TNIK: variants seen among roughly 807,000 people sequenced by gnomAD.
The protein encoded by TNIK is TRAF2 and NCK interacting kinase.
TNIK carries 49 observed loss-of-function variants against 191.3 expected under a neutral mutation model. The observed-to-expected ratio is 0.26, with a 90% confidence interval of 0.20 to 0.32. The LOEUF (loss-of-function observed/expected upper bound fraction) is 0.32, where lower values mean the gene tolerates loss of function less well. Ranked by LOEUF, TNIK falls within the 10% of genes least tolerant of loss-of-function variation. The pLI, the probability that TNIK is intolerant of heterozygous loss-of-function variation, is 1.00. For synonymous variants in TNIK, 594 were observed against 600.9 expected (o/e 0.99, Z 0.17); for missense variants, 1,155 against 1,702.3 (o/e 0.68, Z 5.66).
Position 171,188,702 on chromosome 3 carries a change from C to T in TNIK, c.639G>A (p.Lys213=). The stretch of plus-strand genomic sequence containing the variant: ...TTGAAACACGACAAAGAAGCCATAC[C>T]TTGAAATCATATGTGGCATCTGGGT... ...DENPDATYDF[K]SDLWSLGITA... Residue 213 remains lysine (K), a splice_region_variant and synonymous_variant, in exon 7 of 33, where the codon AAG becomes AAA. Coordinates refer to ENST00000436636, the MANE Select transcript of TNIK (RefSeq NM_015028.4). The T allele has an allele frequency of 6.2e-7, 1 of 1,613,152 alleles. No homozygotes were observed. The highest frequency in any genetic ancestry group is 8.5e-7 in the Non-Finnish European group (1 of 1,179,318).
intron 2 of TNIK, among the ~76,000 whole-genome samples, chr3:171,238,824 G>A (rs1159569344): frequency 3.3e-5 from 5 of 152,166 alleles, no homozygotes; most frequent in South Asian, 2.1e-4. Flanking sequence ...AGCAGACGAC[G>A]AATTGTTCTT....
chr3:171,383,869 C>T (rs1718387997), intron 1 of TNIK, among the ~76,000 whole-genome samples: 1 of 152,146 alleles, frequency 6.6e-6, no homozygotes, highest in South Asian at 2.1e-4. Flanking sequence ...ATTTCCTGAG[C>T]ACCTACAATG....
At chr3:171,147,396 G>A (rs1204720679) in intron 12 of TNIK, among the ~76,000 whole-genome samples, 5 of 152,182 alleles carry the variant, frequency 3.3e-5, no homozygotes, top group African/African-American at 1.2e-4. Context: ...CTATACTTGT[G>A]ATGAGAGGTA....
At chr3:171,411,496 A>G (rs1271245450) in intron 1 of TNIK, among the ~76,000 whole-genome samples, 1 of 145,118 alleles carries the variant, frequency 6.9e-6, no homozygotes, top group South Asian at 2.1e-4. Flanking sequence ...TCATCTGGGT[A>G]AAAAAAAAAG....
At chr3:171,095,716 A>G (rs1484043874) in intron 22 of TNIK, among the ~76,000 whole-genome samples, 2 of 152,222 alleles carry the variant, frequency 1.3e-5, no homozygotes, top group African/African-American at 2.4e-5. Context: ...AGGTGAAAAA[A>G]TGACAGGGGG....
chr3:171,400,214 A>G (rs1720743745), intron 1 of TNIK, among the ~76,000 whole-genome samples: 1 of 152,182 alleles, frequency 6.6e-6, no homozygotes, highest in South Asian at 2.1e-4. Flanking sequence ...TTGATTTGCA[A>G]GAGTTTCAAG....
chr3:171,259,185 GGA>G (rs1375778416), intron 2 of TNIK, among the ~76,000 whole-genome samples: 1 of 152,108 alleles, frequency 6.6e-6, no homozygotes, highest in Non-Finnish European at 1.5e-5. Flanking sequence ...AAATGTTGGG[GGA>G]ATAAATCTCA....
chr3:171,142,522 G>A (rs917215070), intron 12 of TNIK, among the ~76,000 whole-genome samples: 13 of 152,304 alleles, frequency 8.5e-5, no homozygotes, highest in Admixed American at 7.8e-4. Flanking sequence ...ATTTGGTGAC[G>A]ACAGGTTGTA....
chr3:171,091,693 C>T (rs1722075938), intron 23 of TNIK, among the ~76,000 whole-genome samples: 1 of 151,932 alleles, frequency 6.6e-6, no homozygotes, highest in African/African-American at 2.4e-5. Context: ...CGAGATTGCA[C>T]CACTGCACTC....
chr3:171,367,544 A>T (rs776660275), intron 2 of TNIK, among the ~76,000 whole-genome samples: 13 of 151,908 alleles, frequency 8.6e-5, no homozygotes, highest in Non-Finnish European at 1.2e-4. Context: ...ATATCGGCTC[A>T]CCACAACCTC....
chr3:171,161,588 A>G (rs1011970262), intron 10 of TNIK, among the ~76,000 whole-genome samples: 5 of 152,174 alleles, frequency 3.3e-5, no homozygotes, highest in Non-Finnish European at 7.3e-5. Flanking sequence ...TTAAAAAATA[A>G]TTTTTTAATT....
chr3:171,252,040 T>C (rs60019437), intron 2 of TNIK, among the ~76,000 whole-genome samples: 18,699 of 151,992 alleles, frequency 0.12, 1,262 homozygotes, highest in African/African-American at 0.15. Flanking sequence ...AAATGTTCAT[T>C]TGCATAGATA....
intron 1 of TNIK, among the ~76,000 whole-genome samples, chr3:171,418,708 C>G (rs751566635): frequency 6.6e-6 from 1 of 152,004 alleles, no homozygotes; most frequent in Non-Finnish European, 1.5e-5. Context: ...GAGATCATAG[C>G]CAAATGTCCA....
At chr3:171,229,127 TG>T (rs1743305523) in intron 2 of TNIK, among the ~76,000 whole-genome samples, 1 of 152,166 alleles carries the variant, frequency 6.6e-6, no homozygotes, top group Non-Finnish European at 1.5e-5. Flanking sequence ...TCTCAAAAAC[TG>T]AAATAATAAT....
rs58535622 is a variant in TNIK, at chr3:171,384,689, A to G, written c.58-15004T>C. Among the ~76,000 whole-genome samples, 328 of 152,362 alleles carry G rather than the reference A, an allele frequency of 2.2e-3. 1 individual carries two copies. Among genetic ancestry groups the G allele is most frequent in the African/African-American group, 7.6e-3 (315 of 41,586 alleles). On this transcript the variant is annotated intron_variant, in intron 1 of 32. Transcript: ENST00000436636. The stretch of plus-strand genomic sequence containing the variant: ...AACTGTTTGGTGTTTTAAAGGATTC[A>G]GATATTTATGGCATGAGCTGGCCCT...
At chr3:171,225,239 C>T (rs902291743) in intron 3 of TNIK, among the ~76,000 whole-genome samples, 2 of 152,134 alleles carry the variant, frequency 1.3e-5, no homozygotes, top group South Asian at 2.1e-4. Flanking sequence ...AAAGGCACCA[C>T]GTGAGTTTCA....
intron 9 of TNIK, among the ~76,000 whole-genome samples, chr3:171,174,172 C>A (rs1735685238): frequency 6.6e-6 from 1 of 152,178 alleles, no homozygotes; most frequent in Admixed American, 6.5e-5. Flanking sequence ...GCCCTTTCCT[C>A]TGTTCCACCA....
At chr3:171,290,568 T>G (rs1751572798) in intron 2 of TNIK, among the ~76,000 whole-genome samples, 1 of 152,218 alleles carries the variant, frequency 6.6e-6, no homozygotes, top group Non-Finnish European at 1.5e-5. Flanking sequence ...ATGCTGAACA[T>G]TAGATTCCAT....
At chr3:171,068,780 A>G in intron 30 of TNIK, 68 bp downstream of exon 30, 1 of 1,482,826 alleles carries the variant, frequency 6.7e-7, no homozygotes, top group Non-Finnish European at 9.0e-7. Context: ...AACTATGCAA[A>G]ACAAATCTCT....
Sources: allele counts gnomAD v4.1 joint callset (sites outside exome capture counted in the v4.1 genomes callset), GRCh38; gene constraint gnomAD v4.1.1; transcripts MANE v1.5; gene names NCBI Gene and HGNC (gene_info 2026-07-23, HGNC 2026-07-21).